The following ACBD5 variants were observed in gnomAD, a reference collection of about 807,000 sequenced individuals.
ACBD5 encodes acyl-CoA-binding domain-containing protein 5.
ACBD5 carries 40 observed loss-of-function variants against 71.8 expected under a neutral mutation model. The ratio of observed to expected loss-of-function variants is 0.56; its 90% CI spans 0.43 to 0.72. ACBD5 has a LOEUF of 0.72. Ranked by LOEUF, ACBD5 falls within the 30% of genes least tolerant of loss-of-function variation. The pLI, the probability that ACBD5 is intolerant of heterozygous loss-of-function variation, is 0.00. For missense variants in ACBD5, 559 were observed against 644.5 expected (o/e 0.87, Z 1.44); for synonymous variants, 229 against 218.6 (o/e 1.05, Z -0.42).
chr10:27,191,259 T>C (rs1478088305), downstream of ACBD5, among the ~76,000 whole-genome samples: 1 of 152,050 alleles, frequency 6.6e-6, no homozygotes, highest in Non-Finnish European at 1.5e-5. Context: ...AAGGCACAAC[T>C]ATAGAGACAG....
At position 27,211,599 on chromosome 10, in the gene ACBD5, G is replaced by A. The variant is rs148863819; in HGVS notation, c.937-518C>T. On this transcript the variant is annotated intron_variant, in intron 8 of 12. Coordinates refer to ENST00000396271, the MANE Select transcript of ACBD5 (RefSeq NM_145698.5). ...CTCCCAAACTGCTGGGATTACAGGA[G>A]TGAGACCCCACGCCCGCCCAGTGAG... is the stretch of plus-strand genomic sequence containing the variant. Among the ~76,000 whole-genome samples, 323 of 152,318 alleles carry A rather than the reference G, an allele frequency of 2.1e-3. 4 individuals carry two copies. Among genetic ancestry groups the A allele is most frequent in the African/African-American group, 7.5e-3 (312 of 41,574 alleles).
At chr10:27,226,028 T>C (rs185754057) in intron 4 of ACBD5, among the ~76,000 whole-genome samples, 1 of 152,278 alleles carries the variant, frequency 6.6e-6, no homozygotes, top group Non-Finnish European at 1.5e-5. Flanking sequence ...GGAGTATCCA[T>C]TGGCAGTAAG....
chr10:27,189,619 T>C (rs2058980951), intron 13 of ACBD5, among the ~76,000 whole-genome samples: 1 of 84,214 alleles, frequency 1.2e-5, no homozygotes. Flanking sequence ...CTGGGGCCTG[T>C]TGTGGGGTGG....
At chr10:27,189,596 G>T (rs1414511398) in intron 13 of ACBD5, among the ~76,000 whole-genome samples, 2 of 109,636 alleles carry the variant, frequency 1.8e-5, no homozygotes, top group East Asian at 5.8e-4. Context: ...CATAGGAAGG[G>T]GAACATCACA....
rs886046962 is a variant in ACBD5 at position 27,186,739 on chromosome 10, T to A, written c.1494-4024A>T. 1.7e-6 allele frequency: 1 copy of A among 579,752 alleles called. No individual in the cohort carries two copies. Among genetic ancestry groups the A allele is most frequent in the African/African-American group, 1.9e-5 (1 of 53,588 alleles). 35.9% of individuals were successfully genotyped at this position (579,752 alleles called of 1,614,324 possible). A position where few individuals can be genotyped will look rare whatever the true frequency, so the allele number is the denominator to read the frequency against. ...AATTTATCTTAACCTCAAAACTGTATATAAATCTTCAAAGCTTTTTTCATT... is the reference window on the plus strand; with the variant it reads ...AATTTATCTTAACCTCAAAACTGTAAATAAATCTTCAAAGCTTTTTTCATT... On this transcript the variant is annotated intron_variant, in intron 13 of 13. Transcript: ENST00000676511.
rs2064484521 is a variant in ACBD5, at chr10:27,235,139, A to G, written c.255T>C (p.Cys85=). Residue 85 remains cysteine (C), a synonymous_variant, in exon 3 of 13, where the codon TGT becomes TGC. Coordinates refer to ENST00000396271, the MANE Select transcript of ACBD5 (RefSeq NM_145698.5). ...SFYKQATEGP[C]KLSRPGFWDP... ...CCCAAAATCCAGGCCTTGAAAGTTT[A>G]CAGGGTCCTTCAGTTGCCTGCTTAT... 6.2e-7 allele frequency: 1 copy of G among 1,613,904 alleles called. No individual in the cohort carries two copies. The highest frequency in any genetic ancestry group is 1.3e-5 in the African/African-American group (1 of 74,932).
intron 12 of ACBD5, among the ~76,000 whole-genome samples, chr10:27,200,439 T>C (rs1476921668): frequency 1.3e-5 from 2 of 151,986 alleles, no homozygotes; most frequent in Admixed American, 1.3e-4. Context: ...CCCTCTACTT[T>C]CTTTTTTCTC....
chr10:27,184,695 G>C (rs10764684), intron 13 of ACBD5, among the ~76,000 whole-genome samples: 1 of 150,954 alleles, frequency 6.6e-6, no homozygotes, highest in African/African-American at 2.4e-5. Flanking sequence ...CAAATAGCTG[G>C]GACTGCAGCT....
chr10:27,213,613 G>T (rs528185397), intron 8 of ACBD5, among the ~76,000 whole-genome samples: 7 of 152,098 alleles, frequency 4.6e-5, no homozygotes, highest in Non-Finnish European at 8.8e-5. Context: ...CAAAATTAGC[G>T]GGGCATGGTG....
In ACBD5 at chr10:27,208,131, T is replaced by G; in HGVS notation, c.1404+115A>C. ...ACAATATTTTCAAAACCAAGTTCTA[T>G]TTTCTAAAAAAATCAGTAAAATACA... On this transcript the variant is annotated intron_variant, in intron 10 of 12. Transcript: ENST00000396271. The G allele has an allele frequency of 7.0e-6, 8 of 1,140,166 alleles. 1 individual carries two copies. The South Asian group carries it at 1.1e-4, about 15-fold the overall frequency. The allele number at this position is 1,140,166 out of a possible 1,614,324, so 70.6% of individuals were successfully genotyped here.
chr10:27,199,528 G>A (rs1337003738), intron 12 of ACBD5, among the ~76,000 whole-genome samples: 2 of 152,126 alleles, frequency 1.3e-5, no homozygotes, highest in Non-Finnish European at 2.9e-5. Flanking sequence ...AACAGATAAG[G>A]GAACAGGAAT....
rs1296026500 is a variant in ACBD5, at chr10:27,197,043, A to T, written c.*387T>A. 6.7e-6 allele frequency: 3 copies of T among 444,544 alleles called. No homozygotes were observed. The highest frequency in any genetic ancestry group is 6.0e-5 in the African/African-American group (3 of 49,638). The allele number at this position is 444,544 out of a possible 1,614,324, so 27.5% of individuals were successfully genotyped here. A position where few individuals can be genotyped will look rare whatever the true frequency, so the allele number is the denominator to read the frequency against. ...TTATTTAATTTAGAAAATTAAAAAT[A>T]ATAACTTATAAATTTGATCTCATTA... is the stretch of plus-strand genomic sequence containing the variant. On this transcript the variant is annotated 3_prime_UTR_variant, in exon 13 of 13. Coordinates refer to ENST00000396271, the MANE Select transcript of ACBD5 (RefSeq NM_145698.5).
intron 12 of ACBD5, among the ~76,000 whole-genome samples, chr10:27,197,970 C>G (rs1229065986): frequency 6.6e-6 from 1 of 152,244 alleles, no homozygotes; most frequent in Admixed American, 6.5e-5. Flanking sequence ...AATGTACATT[C>G]ATCCTCTCTT....
At chr10:27,198,892 C>T (rs1588960787) in intron 12 of ACBD5, among the ~76,000 whole-genome samples, 1 of 151,968 alleles carries the variant, frequency 6.6e-6, no homozygotes, top group Admixed American at 6.6e-5. Flanking sequence ...GGGCGGATCA[C>T]GAGGTTGGGA....
At chr10:27,189,220 T>C (rs1312219638) in intron 13 of ACBD5, among the ~76,000 whole-genome samples, 1 of 152,208 alleles carries the variant, frequency 6.6e-6, no homozygotes, top group Non-Finnish European at 1.5e-5. Context: ...TCTACAAATG[T>C]ATTGTTCTTT....
At chr10:27,219,198 A>G (rs2062024676) in intron 6 of ACBD5, among the ~76,000 whole-genome samples, 3 of 151,896 alleles carry the variant, frequency 2.0e-5, no homozygotes, top group South Asian at 4.2e-4. Context: ...GCTAATTGCG[A>G]GGCTGAGGCA....
intron 9 of ACBD5, 48 bp downstream of exon 9, chr10:27,210,766 A>G: frequency 6.2e-7 from 1 of 1,613,358 alleles, no homozygotes; most frequent in East Asian, 2.2e-5. Flanking sequence ...TCTCAAAAAT[A>G]AGTAAGTAAA....
chr10:27,186,491 C>G (rs746673440), intron 13 of ACBD5: 3 of 1,614,114 alleles, frequency 1.9e-6, no homozygotes, highest in Non-Finnish European at 2.5e-6. Context: ...ATTTTGAAGC[C>G]AGGAATACTG....
Position 27,183,955 on chromosome 10 carries a change from G to A in ACBD5, c.1494-1240C>T, listed in dbSNP as rs1047121381. Reference sequence around the variant, plus strand: ...TCGAACTCCTGGGCTCAAGCCATCCGCCCACCTTGGCCTCCCTAAGTACTG... The same window carrying A: ...TCGAACTCCTGGGCTCAAGCCATCCACCCACCTTGGCCTCCCTAAGTACTG... On this transcript the variant is annotated intron_variant, in intron 13 of 13. Transcript: ENST00000676511. Among the ~76,000 whole-genome samples, 24 of 152,026 alleles carry A rather than the reference G, an allele frequency of 1.6e-4. No homozygotes were observed. The East Asian group carries it at 1.9e-3, about 12-fold the overall frequency.
Sources: allele counts gnomAD v4.1 joint callset (sites outside exome capture counted in the v4.1 genomes callset), GRCh38; gene constraint gnomAD v4.1.1; transcripts MANE v1.5; gene names NCBI Gene and HGNC (gene_info 2026-07-23, HGNC 2026-07-21).